Variants in XIST observed in about 807,000 individuals in gnomAD.
XIST encodes the protein X inactive specific transcript (non-protein coding).
exon 1 of XIST, chrX:73,848,686 G>A (rs1019221131): frequency 3.6e-6 from 2 of 556,722 alleles, no homozygotes; most frequent in African/African-American, 2.2e-5. Flanking sequence ...CACAGAAGGT[G>A]GGATGGGGTG....
exon 1 of XIST, chrX:73,850,933 G>T: frequency 1.8e-6 from 1 of 557,974 alleles, no homozygotes; most frequent in Non-Finnish European, 3.2e-6. Context: ...AAAAGACCTT[G>T]AAAACACCTG....
chrX:73,825,520 A>G (rs909189252), exon 6 of XIST: 2 of 514,212 alleles, frequency 3.9e-6, no homozygotes, highest in Non-Finnish European at 7.0e-6. Context: ...AGAAAAGGAA[A>G]CTAGTAGTAT....
chrX:73,827,924 A>G, exon 6 of XIST: 1 of 527,144 alleles, frequency 1.9e-6, no homozygotes, highest in Middle Eastern at 3.1e-4. Flanking sequence ...AATGGGTAAG[A>G]CACACTTTAG....
chrX:73,831,269 G>A, exon 4 of XIST: 1 of 533,504 alleles, frequency 1.9e-6, no homozygotes, highest in South Asian at 2.4e-5. Flanking sequence ...TTCTTCTGAG[G>A]AAGATCTGAA....
At chrX:73,841,614 T>C in exon 1 of XIST, 1 of 558,881 alleles carries the variant, frequency 1.8e-6, no homozygotes. Context: ...ATATTATTCA[T>C]TTCCACTAGG....
At chrX:73,823,789 C>G (rs766954850) in exon 6 of XIST, 1 of 557,915 alleles carries the variant, frequency 1.8e-6, no homozygotes, top group African/African-American at 2.2e-5. Flanking sequence ...CCCATGTTTT[C>G]ATCACTGAAT....
At chrX:73,828,826 G>A (rs1922320040) in intron 5 of XIST, 1 of 302,256 alleles carries the variant, frequency 3.3e-6, no homozygotes, top group South Asian at 8.7e-5. Context: ...ATACAGTGAA[G>A]ACATAGAACA....
intron 2 of XIST, among the ~76,000 whole-genome samples, chrX:73,834,525 C>T (rs1922444177): frequency 8.9e-6 from 1 of 112,462 alleles, no homozygotes; most frequent in Non-Finnish European, 1.9e-5. Context: ...CAGAACCATA[C>T]ATTTCACTAG....
chrX:73,841,796 T>TA (rs749201784), exon 1 of XIST: 166 of 493,768 alleles, frequency 3.4e-4, no homozygotes, highest in Non-Finnish European at 5.5e-4. Flanking sequence ...TAATAATTAA[T>TA]AAAAAAGGTG....
exon 1 of XIST, chrX:73,842,732 C>A (rs757921953): frequency 1.8e-6 from 1 of 556,017 alleles, no homozygotes; most frequent in African/African-American, 2.3e-5. Flanking sequence ...AAGGAAAGTG[C>A]AACTGAGAAT....
chrX:73,831,414 G>A (rs759394544), intron 3 of XIST: 17 of 382,194 alleles, frequency 4.4e-5, no homozygotes, highest in African/African-American at 2.1e-4. Context: ...ACAGTTGTGC[G>A]GAGCTGTTAT....
At chrX:73,836,707 T>G (rs1380109233) in intron 2 of XIST, among the ~76,000 whole-genome samples, 1 of 111,559 alleles carries the variant, frequency 9.0e-6, no homozygotes, top group Non-Finnish European at 1.9e-5. Context: ...CTTCTTGATT[T>G]CTAATATTAC....
chrX:73,852,539 G>C (rs748697323), exon 1 of XIST: 1 of 527,728 alleles, frequency 1.9e-6, no homozygotes, highest in East Asian at 3.3e-5. Context: ...GACGTGTCAA[G>C]AAGACACTAG....
exon 6 of XIST, chrX:73,825,805 T>G (rs1273795721): frequency 7.5e-6 from 4 of 532,437 alleles, no homozygotes; most frequent in Non-Finnish European, 1.0e-5. Context: ...ATACACTAAT[T>G]GGTTTTTCTC....
exon 4 of XIST, chrX:73,831,156 C>T (rs758828356): frequency 7.2e-6 from 4 of 555,633 alleles, no homozygotes; most frequent in African/African-American, 6.7e-5. Context: ...AGGGTTGTTG[C>T]CCAGTGGTAG....
At chrX:73,829,181 T>C in exon 5 of XIST, 1 of 558,665 alleles carries the variant, frequency 1.8e-6, no homozygotes, top group Non-Finnish European at 3.2e-6. Context: ...CTCAGCTCTC[T>C]GCACTGCTTG....
chrX:73,824,514 C>A (rs1922205173), exon 6 of XIST: 3 of 554,961 alleles, frequency 5.4e-6, no homozygotes, highest in African/African-American at 4.5e-5. Context: ...AGTAGGCAAT[C>A]AAAATTGATC....
intron 3 of XIST, chrX:73,833,142 GC>G (rs1922417922): frequency 2.1e-6 from 1 of 468,885 alleles, no homozygotes; most frequent in African/African-American, 2.4e-5. Context: ...ACAAGCAGGA[GC>G]CACCATGCCC....
exon 1 of XIST, chrX:73,848,564 C>G: frequency 1.8e-6 from 1 of 557,565 alleles, no homozygotes; most frequent in Admixed American, 2.2e-5. Context: ...TTGTAGCGTG[C>G]AAATAGGATA....
Sources: gnomAD v4.1 joint callset for allele counts (sites outside exome capture counted in the v4.1 genomes callset) on GRCh38, gnomAD v4.1.1 for gene constraint, MANE v1.5 for transcripts, NCBI Gene and HGNC (gene_info 2026-07-23, HGNC 2026-07-21) for gene names.